The following SYNE1 variants were observed in gnomAD, a reference collection of about 807,000 sequenced individuals.
SYNE1 encodes spectrin repeat containing nuclear envelope protein 1, also known as nesprin-1.
A neutral mutation model predicts 1,111.0 loss-of-function variants in SYNE1; 616 were observed. The ratio of observed to expected loss-of-function variants is 0.55; its 90% CI spans 0.52 to 0.59. SYNE1 has a LOEUF of 0.59. Ranked by LOEUF, SYNE1 falls within the 20% of genes least tolerant of loss-of-function variation. The pLI is 0.00. For missense variants in SYNE1, 10,006 were observed against 10,417.0 expected (o/e 0.96, Z 1.72); for synonymous variants, 3,855 against 3,825.8 (o/e 1.01, Z -0.28).
At position 152,489,533 on chromosome 6, in the gene SYNE1, C is replaced by T. The variant is rs928006548; in HGVS notation, c.940-1030G>A. Reference sequence around the variant, plus strand: ...TACTAAAGGGTGTGTTAAATCATCACGGACCCTTTCAATTGTTTTGCTGAG... The same window carrying T: ...TACTAAAGGGTGTGTTAAATCATCATGGACCCTTTCAATTGTTTTGCTGAG... On this transcript the variant is annotated intron_variant, in intron 11 of 145. Transcript: ENST00000367255. Among the ~76,000 whole-genome samples the T allele has an allele frequency of 4.8e-5, 7 of 146,748 alleles. No individual in the cohort carries two copies. The East Asian group carries it at 1.5e-3, about 32-fold the overall frequency.
intron 3 of SYNE1, among the ~76,000 whole-genome samples, chr6:152,563,662 G>GA (rs1289018387): frequency 2.6e-5 from 4 of 151,968 alleles, no homozygotes; most frequent in Non-Finnish European, 5.9e-5. Flanking sequence ...ATTTTTGTTG[G>GA]AAAAAAATCG....
chr6:152,147,820 C>A, intron 137 of SYNE1: 1 of 540,680 alleles, frequency 1.8e-6, no homozygotes, highest in Admixed American at 3.0e-5. Flanking sequence ...TAGAACCTGG[C>A]AAAGCGCTTG....
intron 121 of SYNE1, among the ~76,000 whole-genome samples, chr6:152,216,919 A>T (rs936299385): frequency 6.6e-6 from 1 of 151,778 alleles, no homozygotes; most frequent in African/African-American, 2.4e-5. Flanking sequence ...AAAAATTAGC[A>T]GGGCATGGTG....
intron 137 of SYNE1, chr6:152,146,174 G>C (rs2059479903): frequency 6.4e-6 from 1 of 155,378 alleles, no homozygotes; most frequent in African/African-American, 2.4e-5. Context: ...GAAAACTGAG[G>C]CACAGAGGAA....
intron 98 of SYNE1, 86 bp downstream of exon 98, chr6:152,278,003 C>A: frequency 6.8e-7 from 1 of 1,470,156 alleles, no homozygotes; most frequent in Non-Finnish European, 9.5e-7. Context: ...TCACCGCCAA[C>A]CTGTTCCTTT....
chr6:152,166,157 T>A (rs542819869), intron 130 of SYNE1, among the ~76,000 whole-genome samples: 1 of 152,288 alleles, frequency 6.6e-6, no homozygotes, highest in South Asian at 2.1e-4. Flanking sequence ...TTCCTTATTT[T>A]AGTTCCCTGG....
rs774130703 is a variant in SYNE1 at position 152,416,477 on chromosome 6, T to A, written c.5960A>T (p.Lys1987Ile). Residue 1987 changes from lysine (K) to isoleucine (I), a missense_variant, in exon 41 of 146, where the codon AAA becomes ATA. By Grantham distance (102) the Lys-to-Ile change is moderately radical (BLOSUM62 -3). Around this residue, in one of 7 missense-constraint regions of SYNE1, gnomAD observed 4,955 missense variants for 5,017.2 expected, o/e 0.99. Transcript: ENST00000367255. ...CTCAATGCTTTTCAGAAGCTCCTCT[T>A]TCTGGTCTTGGAATGCTTTTTTCAA... ...AVLKKAFQDQKEELLKSIEDI... is the reference protein window; with the variant it reads ...AVLKKAFQDQIEELLKSIEDI... 1 of 1,614,146 alleles carries A rather than the reference T, an allele frequency of 6.2e-7. No individual in the cohort carries two copies. The highest frequency in any genetic ancestry group is 2.2e-5 in the East Asian group (1 of 44,874).
chr6:152,634,378 T>C (rs1197354760), intron 2 of SYNE1, among the ~76,000 whole-genome samples: 1 of 152,194 alleles, frequency 6.6e-6, no homozygotes, highest in Non-Finnish European at 1.5e-5. Flanking sequence ...TTGAATAAAA[T>C]TTTTAGTCAT....
chr6:152,156,598 A>C (rs927302603), intron 131 of SYNE1, among the ~76,000 whole-genome samples: 1 of 152,202 alleles, frequency 6.6e-6, no homozygotes, highest in Non-Finnish European at 1.5e-5. Context: ...ATTACTTATA[A>C]TACCTAATAC....
chr6:152,596,732 G>T (rs540148605), intron 3 of SYNE1, among the ~76,000 whole-genome samples: 2 of 152,162 alleles, frequency 1.3e-5, no homozygotes, highest in African/African-American at 4.8e-5. Context: ...TCTTGTTAAC[G>T]ATGGTATTCA....
Position 152,329,934 on chromosome 6 carries a change from C to A in SYNE1, c.14751G>T (p.Leu4917=), listed in dbSNP as rs769489729. The change falls in exon 78 of 146, where the codon CTG becomes CTT. Residue 4917 remains leucine (L), a synonymous_variant. Transcript: ENST00000367255. ...TTCTGATTTCCTCTTGGATGTCCTG[C>A]AGGTTGAGGTCTAGGTACACCGGCC... is the stretch of plus-strand genomic sequence containing the variant. ...LSGPVYLDLN[L]QDIQEEIRKI... The A allele has an allele frequency of 2.5e-6, 4 of 1,614,072 alleles. No homozygotes were observed. The highest frequency in any genetic ancestry group is 2.2e-5 in the East Asian group (1 of 44,890).
At chr6:152,247,833 A>T (rs1464967467) in intron 105 of SYNE1, among the ~76,000 whole-genome samples, 2 of 134,214 alleles carry the variant, frequency 1.5e-5, no homozygotes, top group Non-Finnish European at 3.1e-5. Context: ...AGTTTTGCAA[A>T]CTATTTTGAG....
At chr6:152,353,094 A>G (rs1335806158) in intron 69 of SYNE1, among the ~76,000 whole-genome samples, 169 bp downstream of exon 69, 1 of 152,232 alleles carries the variant, frequency 6.6e-6, no homozygotes, top group Non-Finnish European at 1.5e-5. Flanking sequence ...AGTGAAAGCT[A>G]GCTTTTGGCC....
intron 131 of SYNE1, among the ~76,000 whole-genome samples, chr6:152,157,762 T>G (rs2061656938): frequency 7.1e-6 from 1 of 139,942 alleles, no homozygotes; most frequent in Admixed American, 7.1e-5. Flanking sequence ...AACAAATTCT[T>G]TTTTTTTTTT....
chr6:152,252,435 G>A (rs924551836), intron 104 of SYNE1, among the ~76,000 whole-genome samples: 5 of 152,024 alleles, frequency 3.3e-5, no homozygotes, highest in African/African-American at 1.2e-4. Context: ...ACGTCCATGG[G>A]TAAAATTTTT....
chr6:152,242,796 C>A (rs548550609), intron 106 of SYNE1, among the ~76,000 whole-genome samples: 8 of 151,368 alleles, frequency 5.3e-5, no homozygotes, highest in African/African-American at 1.9e-4. Flanking sequence ...TAAAGCACAA[C>A]GGAGAAACTG....
intron 3 of SYNE1, among the ~76,000 whole-genome samples, chr6:152,610,582 T>C (rs1002603092): frequency 9.9e-5 from 15 of 152,096 alleles, no homozygotes; most frequent in Non-Finnish European, 1.5e-4. Context: ...CAGGATATTA[T>C]CCAGGAGAAC....
chr6:152,489,552 T>G (rs531526969), intron 11 of SYNE1, among the ~76,000 whole-genome samples: 4 of 152,184 alleles, frequency 2.6e-5, no homozygotes, highest in Admixed American at 6.5e-5. Flanking sequence ...TCAATTGTTT[T>G]GCTGAGAATT....
At chr6:152,177,962 A>G (rs1176610638) in intron 129 of SYNE1, among the ~76,000 whole-genome samples, 6 of 151,750 alleles carry the variant, frequency 4.0e-5, no homozygotes, top group African/African-American at 9.7e-5. Flanking sequence ...GCCTTTTTCT[A>G]TGTTGCCAAA....
Sources: allele counts gnomAD v4.1 joint callset (sites outside exome capture counted in the v4.1 genomes callset), GRCh38; gene constraint gnomAD v4.1.1; regional missense constraint gnomAD v4.1.1; transcripts MANE v1.5; gene names NCBI Gene and HGNC (gene_info 2026-07-23, HGNC 2026-07-21).